UGT1A8: variants seen among roughly 807,000 people sequenced by gnomAD.
The protein encoded by UGT1A8 is UDP-glucuronosyltransferase 1A8.
A neutral mutation model predicts 45.3 loss-of-function variants in UGT1A8; 39 were observed. The observed-to-expected ratio is 0.86, with a 90% CI of 0.67 to 1.12. The LOEUF (loss-of-function observed/expected upper bound fraction) is 1.12, where lower values mean the gene tolerates loss of function less well. Ranked by LOEUF, UGT1A8 falls within the 50% of genes most tolerant of loss-of-function variation. The probability of loss-of-function intolerance (pLI) is 0.00; values close to 1 mark genes in which losing one functional copy is unlikely to be tolerated. For synonymous variants in UGT1A8, 275 were observed against 249.2 expected (o/e 1.10, Z -0.97); for missense variants, 719 against 664.9 (o/e 1.08, Z -0.90).
intron 1 of UGT1A8, among the ~76,000 whole-genome samples, chr2:233,702,925 G>T (rs1314769740): frequency 2.0e-5 from 3 of 152,140 alleles, no homozygotes; most frequent in Non-Finnish European, 2.9e-5. Context: ...TTTTCTTGCG[G>T]AGCCTTGGTC....
chr2:233,620,443 G>T (rs973596867), intron 1 of UGT1A8, among the ~76,000 whole-genome samples: 1 of 151,910 alleles, frequency 6.6e-6, no homozygotes, highest in Non-Finnish European at 1.5e-5. Context: ...TGTGGCCCAA[G>T]GGGTCACCCA....
rs948752989 is a variant in UGT1A8 at position 233,724,891 on chromosome 2, C to G, written c.856-42143C>G. Reference sequence around the variant, plus strand: ...GTAGTGAGCGGAGATCACGCCACTGCACTCCAGCCTGGGCACCATTGAGCA... The same window carrying G: ...GTAGTGAGCGGAGATCACGCCACTGGACTCCAGCCTGGGCACCATTGAGCA... On this transcript the variant is annotated intron_variant, in intron 1 of 4. Transcript: ENST00000373450. Among the ~76,000 whole-genome samples the G allele has an allele frequency of 2.9e-4, 40 of 136,070 alleles. 2 individuals carry two copies. Among genetic ancestry groups the G allele is most frequent in the African/African-American group, 1.2e-3 (40 of 33,596 alleles). The allele number at this position is 136,070 out of a possible 152,430, so 89.3% of individuals were successfully genotyped here. A position where few individuals can be genotyped will look rare whatever the true frequency, so the allele number is the denominator to read the frequency against.
intron 1 of UGT1A8, among the ~76,000 whole-genome samples, chr2:233,642,383 T>A (rs574284328): frequency 6.6e-6 from 1 of 152,360 alleles, no homozygotes; most frequent in Non-Finnish European, 1.5e-5. Flanking sequence ...TCAATCTCTT[T>A]GTTAAATTTA....
intron 1 of UGT1A8, chr2:233,691,654 TC>T: frequency 1.0e-6 from 1 of 984,858 alleles, no homozygotes; most frequent in Non-Finnish European, 1.2e-6. Flanking sequence ...AGTGTGACCC[TC>T]CCTTTCTGGG....
rs763644438 is a variant in UGT1A8 at position 233,767,047 on chromosome 2, ACATTAATGCTTC to A, written c.870_881del (p.Ile291_Ser294del). The A allele has an allele frequency of 7.4e-6, 12 of 1,614,036 alleles. No homozygotes were observed. The highest frequency in any genetic ancestry group is 9.3e-6 in the Non-Finnish European group (11 of 1,180,022). The stretch of plus-strand genomic sequence containing the variant: ...TTCTGGCTCTAGGAATTTGAAGCCT[ACATTAATGCTTC>A]TGGAGAACATGGAATTGTGGTTTTC... On this transcript the variant is annotated inframe_deletion, in exon 2 of 5. Coordinates refer to ENST00000373450, the MANE Select transcript of UGT1A8 (RefSeq NM_019076.5).
rs376887521 is a variant in UGT1A8 at position 233,757,535 on chromosome 2, A to AATATATATACATATACATATATATATAT, written c.856-9490_856-9489insCATATACATATATATATATATATATATA. ...CAAAGCCAAAATCTTGCCTGTAAGG[A>AATATATATACATATACATATATATATAT]ATATATATATATATATATATATATA... On this transcript the variant is annotated intron_variant, in intron 1 of 4. Transcript: ENST00000373450. 4.4e-3 allele frequency among the ~76,000 whole-genome samples: 377 copies of AATATATATACATATACATATATATATAT among 85,820 alleles called. 6 individuals carry two copies. The highest frequency in any genetic ancestry group is 5.9e-3 in the Middle Eastern group (1 of 170). The allele number at this position is 85,820 out of a possible 152,430, so 56.3% of individuals were successfully genotyped here. A position where few individuals can be genotyped will look rare whatever the true frequency, so the allele number is the denominator to read the frequency against.
chr2:233,713,012 T>A lies in UGT1A8; in HGVS notation c.856-54022T>A, dbSNP rs748010470. The A allele has an allele frequency of 6.2e-6, 10 of 1,613,498 alleles. No individual in the cohort carries two copies. In the Admixed American group the frequency reaches 1.5e-4, roughly 24 times the overall value. ...CTGAGATGGCCACAGGACTCCAGGT[T>A]CCCCTGCCGCAGCTGGCCACAGGAC... On this transcript the variant is annotated intron_variant, in intron 1 of 4. Transcript: ENST00000373450.
chr2:233,761,169 A>C, intron 1 of UGT1A8: 1 of 1,614,188 alleles, frequency 6.2e-7, no homozygotes, highest in Non-Finnish European at 8.5e-7. Flanking sequence ...TTGGAGTGGG[A>C]CTTTTACATG....
intron 1 of UGT1A8, among the ~76,000 whole-genome samples, chr2:233,642,836 G>A: frequency 6.6e-6 from 1 of 152,088 alleles, no homozygotes; most frequent in East Asian, 1.9e-4. Context: ...ACATACTCTT[G>A]CTTTCTTCCC....
At chr2:233,670,019 A>G (rs1315980726) in intron 1 of UGT1A8, among the ~76,000 whole-genome samples, 1 of 152,158 alleles carries the variant, frequency 6.6e-6, no homozygotes, top group African/African-American at 2.4e-5. Flanking sequence ...AAATTTAACT[A>G]TTAATAGCCT....
At chr2:233,682,548 A>C in intron 1 of UGT1A8, 1 of 1,613,924 alleles carries the variant, frequency 6.2e-7, no homozygotes, top group Non-Finnish European at 8.5e-7. Context: ...ATGACTTTCA[A>C]GGAGAGAGTA....
intron 1 of UGT1A8, among the ~76,000 whole-genome samples, chr2:233,705,875 G>C (rs923785055): frequency 6.6e-6 from 1 of 152,126 alleles, no homozygotes; most frequent in Non-Finnish European, 1.5e-5. Flanking sequence ...ATCACTTGAG[G>C]CCAGGAGTTC....
intron 1 of UGT1A8, chr2:233,690,956 C>A (rs1575444725): frequency 4.0e-6 from 4 of 1,008,150 alleles, no homozygotes; most frequent in African/African-American, 3.5e-5. Flanking sequence ...TCTGTAGGGA[C>A]TTCTGGGACT....
Position 233,618,069 on chromosome 2 carries a change from T to C in UGT1A8, c.362T>C (p.Phe121Ser). 1 of 1,613,990 alleles carries C rather than the reference T, an allele frequency of 6.2e-7. No individual in the cohort carries two copies. The highest frequency in any genetic ancestry group is 8.5e-7 in the Non-Finnish European group (1 of 1,179,996). ...SSSNGFFNLFFSHCRSLFNDR... is the reference protein window; with the variant it reads ...SSSNGFFNLFSSHCRSLFNDR... ...TCCAATGGTTTTTTTAACTTATTTT[T>C]TTCGCATTGCAGGAGTTTGTTTAAT... is the stretch of plus-strand genomic sequence containing the variant. Residue 121 changes from phenylalanine (F) to serine (S), a missense_variant, in exon 1 of 5, where the codon TTT (phenylalanine) becomes TCT (serine). Coordinates refer to ENST00000373450, the MANE Select transcript of UGT1A8 (RefSeq NM_019076.5).
At chr2:233,698,908 G>A (rs1199885168) in intron 1 of UGT1A8, among the ~76,000 whole-genome samples, 2 of 152,230 alleles carry the variant, frequency 1.3e-5, no homozygotes, top group Non-Finnish European at 2.9e-5. Context: ...TCTGCCCAAG[G>A]AGGGACGTGG....
intron 1 of UGT1A8, chr2:233,755,187 A>G: frequency 1.6e-5 from 19 of 1,182,426 alleles, no homozygotes; most frequent in Non-Finnish European, 2.1e-5. Flanking sequence ...GTGCCACTTG[A>G]GCGCCAGCTT....
intron 1 of UGT1A8, among the ~76,000 whole-genome samples, chr2:233,665,862 C>T (rs1575411148): frequency 1.3e-5 from 2 of 152,108 alleles, no homozygotes; most frequent in African/African-American, 2.4e-5. Context: ...ATTTGCCAGA[C>T]AATATTTACA....
intron 1 of UGT1A8, among the ~76,000 whole-genome samples, chr2:233,709,996 T>C (rs1275771651): frequency 1.3e-5 from 2 of 152,236 alleles, no homozygotes; most frequent in Non-Finnish European, 2.9e-5. Context: ...AATGGAATCA[T>C]ACAATTATGA....
At chr2:233,680,233 G>A (rs2125517413) in intron 1 of UGT1A8, among the ~76,000 whole-genome samples, 1 of 152,136 alleles carries the variant, frequency 6.6e-6, no homozygotes, top group East Asian at 1.9e-4. Flanking sequence ...GGTATTCAAG[G>A]TTTAAAAAAT....
Sources: allele counts gnomAD v4.1 joint callset (sites outside exome capture counted in the v4.1 genomes callset), GRCh38; gene constraint gnomAD v4.1.1; transcripts MANE v1.5; gene names NCBI Gene and HGNC (gene_info 2026-07-23, HGNC 2026-07-21).